YY1AP1: variants seen among roughly 807,000 people sequenced by gnomAD.
The protein encoded by YY1AP1 is YY1 associated protein 1.
In YY1AP1, 43 loss-of-function variants were observed where a neutral mutation model predicts 39.9. The observed-to-expected ratio is 1.08, with a 90% CI of 0.84 to 1.39. The LOEUF is 1.39. YY1AP1 is among the 40% of genes most tolerant of loss of function. YY1AP1 has a pLI of 0.00. For missense variants in YY1AP1, 813 were observed against 900.7 expected (o/e 0.90, Z 1.25); for synonymous variants, 292 against 331.3 (o/e 0.88, Z 1.29).
Position 155,672,748 on chromosome 1 carries a change from C to G in YY1AP1, c.412-17G>C. 1 of 1,614,154 alleles carries G rather than the reference C, an allele frequency of 6.2e-7. No homozygotes were observed. Among genetic ancestry groups the G allele is most frequent in the African/African-American group, 1.3e-5 (1 of 75,030 alleles). Reference sequence around the variant, plus strand: ...CAGCTCTTTCTGGGAAAACACGACACAAGGAAGATCTAAGACAATTCCAGA... The same window carrying G: ...CAGCTCTTTCTGGGAAAACACGACAGAAGGAAGATCTAAGACAATTCCAGA... On this transcript the variant is annotated splice_polypyrimidine_tract_variant and intron_variant, in intron 6 of 10. Transcript: ENST00000355499.
intron 2 of YY1AP1, among the ~76,000 whole-genome samples, chr1:155,684,172 T>A (rs1400285107): frequency 6.6e-6 from 1 of 152,044 alleles, no homozygotes; most frequent in African/African-American, 2.4e-5. Context: ...CACTTGAACC[T>A]GGGAGGCAGA....
Position 155,672,686 on chromosome 1 carries a change from G to C in YY1AP1, c.457C>G (p.Gln153Glu), listed in dbSNP as rs144227023. Residue 153 changes from glutamine to glutamate, a missense_variant, in exon 7 of 11, where the codon CAG becomes GAG. By Grantham distance (29) the Gln-to-Glu change is conservative. Transcript: ENST00000355499. ...AGGGTCTGAAACTTGGGGTTGTACT[G>C]ATGGTGAAGGGCGATGGAGCTTTGA... ...FAQSSIALHHQYNPKFQTLFQ... is the reference protein window; with the variant it reads ...FAQSSIALHHEYNPKFQTLFQ... The C allele has an allele frequency of 3.1e-6, 5 of 1,614,196 alleles. No individual in the cohort carries two copies. The African/African-American group carries it at 4.0e-5, about 13-fold the overall frequency.
chr1:155,680,234 G>T (rs1343995049), intron 3 of YY1AP1, 182 bp downstream of exon 3: 6 of 526,304 alleles, frequency 1.1e-5, no homozygotes, highest in Admixed American at 3.5e-5. Context: ...TAACCTACAT[G>T]TGGATAATCA....
At chr1:155,664,961 G>A (rs575411208) in intron 9 of YY1AP1, among the ~76,000 whole-genome samples, 6 of 151,774 alleles carry the variant, frequency 4.0e-5, no homozygotes, top group South Asian at 4.2e-4. Context: ...TAGTAGAGAC[G>A]GGGTTTCACC....
Position 155,670,387 on chromosome 1 carries a change from G to GT in YY1AP1, c.660dup (p.Leu221ThrfsTer14), listed in dbSNP as rs751274559. 1 of 1,613,774 alleles carries GT rather than the reference G, an allele frequency of 6.2e-7. No individual in the cohort carries two copies. The highest frequency in any genetic ancestry group is 8.5e-7 in the Non-Finnish European group (1 of 1,180,026). On this transcript the variant is annotated frameshift_variant, in exon 8 of 11. Transcript: ENST00000355499. LOFTEE classifies it high-confidence loss of function. ...TTTGCCTTCAGGGAACACACTGGAA[G>GT]TAACTCTGGATACATGAAAACCTTG...
In YY1AP1 at chr1:155,675,014, CATATCCTGG is replaced by C. The variant is rs746116332; in HGVS notation, c.398_406del (p.Thr133_Cys136delinsSer). The C allele has an allele frequency of 1.9e-6, 3 of 1,613,148 alleles. No individual in the cohort carries two copies. On this transcript the variant is annotated inframe_deletion, in exon 6 of 11. Coordinates refer to ENST00000355499, the MANE Select transcript of YY1AP1 (RefSeq NM_139119.3). ...TACGGCAATTTGGAAACTTACAAGACATATCCTGGTGCTACTGGCCTCCGGATTGAGATT... is the reference window on the plus strand; with the variant it reads ...TACGGCAATTTGGAAACTTACAAGACTGCTACTGGCCTCCGGATTGAGATT...
intron 2 of YY1AP1, 103 bp downstream of exon 2, chr1:155,687,968 A>C: frequency 1.5e-6 from 2 of 1,302,390 alleles, no homozygotes; most frequent in Admixed American, 2.5e-5. Flanking sequence ...CTGCTCTCCC[A>C]GAGGTCCAGG....
upstream of YY1AP1, chr1:155,688,989 A>AG (rs1187326268): frequency 6.2e-7 from 1 of 1,603,108 alleles, no homozygotes; most frequent in African/African-American, 1.3e-5. Flanking sequence ...GACCGCGGCG[A>AG]GGGGATCGAG....
At chr1:155,670,265 CA>C in intron 8 of YY1AP1, 54 bp downstream of exon 8, 1 of 1,610,602 alleles carries the variant, frequency 6.2e-7, no homozygotes, top group East Asian at 2.2e-5. Context: ...CTAAACTCCT[CA>C]AAGGAACTAC....
chr1:155,685,800 A>T (rs573378862), intron 2 of YY1AP1, among the ~76,000 whole-genome samples: 28 of 152,174 alleles, frequency 1.8e-4, no homozygotes, highest in African/African-American at 5.5e-4. Flanking sequence ...CATATATATA[A>T]ATCATGTGAT....
At chr1:155,676,488 A>T (rs1558311473) in intron 5 of YY1AP1, 60 bp downstream of exon 5, 2 of 1,597,590 alleles carry the variant, frequency 1.3e-6, no homozygotes, top group Non-Finnish European at 1.7e-6. Flanking sequence ...AGATTATACC[A>T]AAGCCTCAGA....
At chr1:155,665,279 T>A (rs538284081) in intron 9 of YY1AP1, among the ~76,000 whole-genome samples, 12 of 150,364 alleles carry the variant, frequency 8.0e-5, no homozygotes, top group Non-Finnish European at 1.5e-4. Flanking sequence ...CAGAAAAAAA[T>A]TTTTTTTAAA....
intron 1 of YY1AP1, chr1:155,688,441 C>G: frequency 6.5e-7 from 1 of 1,548,516 alleles, no homozygotes; most frequent in Non-Finnish European, 8.7e-7. Flanking sequence ...CCCACGGTCC[C>G]CCGCTTCGCC....
chr1:155,672,158 A>G, intron 7 of YY1AP1: 1 of 287,192 alleles, frequency 3.5e-6, no homozygotes, highest in South Asian at 3.7e-5. Context: ...TATGGTAAAT[A>G]AAGTTAGTTG....
chr1:155,688,942 G>C (rs1653216188), upstream of YY1AP1: 1 of 1,612,526 alleles, frequency 6.2e-7, no homozygotes. Context: ...CCCTGGGTTC[G>C]TCGCCGCGGC....
rs630583 is a variant in YY1AP1 at position 155,672,743 on chromosome 1, C to G, written c.412-12G>C. On this transcript the variant is annotated splice_polypyrimidine_tract_variant and intron_variant, in intron 6 of 10. Coordinates refer to ENST00000355499, the MANE Select transcript of YY1AP1 (RefSeq NM_139119.3). ...GTTCCCAGCTCTTTCTGGGAAAACA[C>G]GACACAAGGAAGATCTAAGACAATT... 3.2e-5 allele frequency: 51 copies of G among 1,614,086 alleles called. No homozygotes were observed. In the African/African-American group the frequency reaches 5.7e-4, roughly 18 times the overall value.
chr1:155,687,107 T>G (rs187862237), intron 2 of YY1AP1, among the ~76,000 whole-genome samples: 1 of 152,244 alleles, frequency 6.6e-6, no homozygotes, highest in Non-Finnish European at 1.5e-5. Flanking sequence ...ACAAAGAAAC[T>G]GAAAGAGCTT....
intron 9 of YY1AP1, among the ~76,000 whole-genome samples, chr1:155,668,074 G>T (rs1421072709): frequency 1.3e-5 from 2 of 151,930 alleles, no homozygotes; most frequent in African/African-American, 4.8e-5. Flanking sequence ...AGCCAAAACT[G>T]GTGGATCACT....
At chr1:155,661,581 A>G (rs966610781) in intron 9 of YY1AP1, among the ~76,000 whole-genome samples, 158 bp from the exon 10 acceptor site, 28 of 152,280 alleles carry the variant, frequency 1.8e-4, no homozygotes, top group African/African-American at 6.3e-4. Context: ...CCATGAACAC[A>G]CATATACGAA....
Sources: allele counts gnomAD v4.1 joint callset (sites outside exome capture counted in the v4.1 genomes callset), GRCh38; gene constraint gnomAD v4.1.1; transcripts MANE v1.5; gene names NCBI Gene and HGNC (gene_info 2026-07-23, HGNC 2026-07-21).